The following THSD7B variants were observed in gnomAD, a reference collection of about 807,000 sequenced individuals.
The protein encoded by THSD7B is thrombospondin type-1 domain-containing protein 7B.
Under a neutral mutation model 213.6 loss-of-function variants are expected in THSD7B, and 138 were observed. The observed-to-expected ratio is 0.65, with a 90% CI of 0.56 to 0.74. The LOEUF is 0.74. Among genes scored for constraint, THSD7B ranks in the 30% least tolerant of loss-of-function variants. The pLI is 0.00. For synonymous variants in THSD7B, 742 were observed against 687.0 expected (o/e 1.08, Z -1.25); for missense variants, 1,931 against 1,991.5 (o/e 0.97, Z 0.58).
intron 15 of THSD7B, among the ~76,000 whole-genome samples, chr2:137,500,489 C>T (rs1449740609): frequency 1.3e-5 from 2 of 152,042 alleles, no homozygotes; most frequent in African/African-American, 4.8e-5. Flanking sequence ...GTTGACACAC[C>T]AACAAAGAAA....
rs200780753 is a variant in THSD7B, at chr2:137,642,499, C to T, written c.3811C>T (p.Arg1271Trp). The change falls in exon 21 of 28, where the codon CGG (arginine) becomes TGG (tryptophan). Residue 1271 changes from arginine to tryptophan, a missense_variant. By Grantham distance (101) the Arg-to-Trp change is moderately radical (BLOSUM62 -3). Transcript: ENST00000409968. ...QTCGHGGRMSRTRFIIMPTQG... is the reference protein window; with the variant it reads ...QTCGHGGRMSWTRFIIMPTQG... ...CCTTATCATTTTAGGTCGAATGAGC[C>T]GGACTCGATTTATCATTATGCCAAC... The T allele has an allele frequency of 8.1e-6, 13 of 1,613,496 alleles. No homozygotes were observed. The highest frequency in any genetic ancestry group is 1.7e-5 in the Admixed American group (1 of 59,974).
chr2:136,938,918 G>A (rs1558859828), intron 2 of THSD7B, among the ~76,000 whole-genome samples: 1 of 152,116 alleles, frequency 6.6e-6, no homozygotes, highest in East Asian at 1.9e-4. Flanking sequence ...GAATTAATGG[G>A]AAAAAAGGAA....
intron 2 of THSD7B, among the ~76,000 whole-genome samples, chr2:136,891,262 C>A (rs1470786660): frequency 6.6e-6 from 1 of 152,004 alleles, no homozygotes; most frequent in Non-Finnish European, 1.5e-5. Flanking sequence ...ACATAGTGAG[C>A]TTTCTTCTAA....
At chr2:137,416,391 G>A (rs1686800268) in intron 14 of THSD7B, among the ~76,000 whole-genome samples, 1 of 152,190 alleles carries the variant, frequency 6.6e-6, no homozygotes, top group African/African-American at 2.4e-5. Context: ...CATCCTCTGG[G>A]TTAAGATCAG....
At chr2:136,808,005 A>G (rs1008423614) in intron 1 of THSD7B, among the ~76,000 whole-genome samples, 5 of 152,208 alleles carry the variant, frequency 3.3e-5, no homozygotes, top group African/African-American at 9.6e-5. Context: ...TACACTATCT[A>G]TATTAAGCTA....
At chr2:137,397,993 C>T (rs1365355937) in intron 12 of THSD7B, among the ~76,000 whole-genome samples, 1 of 83,884 alleles carries the variant, frequency 1.2e-5, no homozygotes, top group Admixed American at 1.4e-4. Context: ...TCACGTAGTT[C>T]TCGAGCCTTG....
intron 15 of THSD7B, among the ~76,000 whole-genome samples, chr2:137,453,669 C>G (rs558112155): frequency 6.6e-6 from 1 of 152,060 alleles, no homozygotes; most frequent in African/African-American, 2.4e-5. Flanking sequence ...GTACAATACA[C>G]TATTATTAAC....
chr2:137,647,785 A>T (rs1683064217), intron 21 of THSD7B, among the ~76,000 whole-genome samples: 1 of 152,114 alleles, frequency 6.6e-6, no homozygotes, highest in African/African-American at 2.4e-5. Context: ...AGATGATGTG[A>T]GTAGCCAAGA....
At chr2:137,124,163 A>G (rs777235002) in intron 5 of THSD7B, among the ~76,000 whole-genome samples, 37 of 152,172 alleles carry the variant, frequency 2.4e-4, no homozygotes, top group Admixed American at 2.4e-3. Flanking sequence ...TGCATTTACA[A>G]TCTTCAGTTG....
intron 2 of THSD7B, among the ~76,000 whole-genome samples, chr2:136,961,680 T>C (rs776248352): frequency 6.6e-6 from 1 of 152,196 alleles, no homozygotes; most frequent in Non-Finnish European, 1.5e-5. Context: ...TTTAGCTTTA[T>C]GTTTGAAGAA....
intron 1 of THSD7B, among the ~76,000 whole-genome samples, chr2:136,881,104 A>G (rs1274390730): frequency 2.0e-5 from 3 of 151,662 alleles, no homozygotes; most frequent in Admixed American, 2.0e-4. Flanking sequence ...GCCCTTCCCA[A>G]CTCCTTCAAG....
chr2:137,079,518 A>G (rs62172276), intron 3 of THSD7B, among the ~76,000 whole-genome samples: 14,298 of 152,096 alleles, frequency 0.094, 750 homozygotes, highest in East Asian at 0.18. Context: ...AATTTGTCAG[A>G]TATTAGGATT....
intron 1 of THSD7B, among the ~76,000 whole-genome samples, chr2:136,770,502 G>T (rs975472785): frequency 1.3e-5 from 2 of 152,134 alleles, no homozygotes; most frequent in Non-Finnish European, 2.9e-5. Flanking sequence ...AATGAGTATT[G>T]CTCTGAGCCC....
chr2:137,667,908 T>G (rs1683481898), intron 27 of THSD7B, 47 bp downstream of exon 27: 1 of 1,448,236 alleles, frequency 6.9e-7, no homozygotes, highest in African/African-American at 1.4e-5. Flanking sequence ...TTTTATGGAT[T>G]TCATGTTATA....
intron 2 of THSD7B, among the ~76,000 whole-genome samples, chr2:136,930,481 G>A (rs1252481051): frequency 2.6e-5 from 4 of 152,334 alleles, no homozygotes; most frequent in Admixed American, 6.5e-5. Context: ...GCAGAGGTTT[G>A]ATCTCTATGA....
intron 2 of THSD7B, among the ~76,000 whole-genome samples, chr2:137,036,064 G>T (rs1469399743): frequency 1.3e-5 from 2 of 151,894 alleles, no homozygotes; most frequent in Non-Finnish European, 2.9e-5. Context: ...CAAATGACTA[G>T]GTGCTTTAAA....
intron 12 of THSD7B, among the ~76,000 whole-genome samples, chr2:137,312,229 T>C (rs193266455): frequency 1.3e-5 from 2 of 152,228 alleles, no homozygotes; most frequent in Admixed American, 1.3e-4. Context: ...CCTGGTTTAG[T>C]CTTGGGAAAG....
At chr2:136,776,597 G>T (rs544889673) in intron 1 of THSD7B, among the ~76,000 whole-genome samples, 1 of 152,138 alleles carries the variant, frequency 6.6e-6, no homozygotes, top group African/African-American at 2.4e-5. Flanking sequence ...GCAGAAAAAT[G>T]TACACAGGGA....
intron 12 of THSD7B, among the ~76,000 whole-genome samples, chr2:137,338,969 G>T (rs1684700614): frequency 6.6e-6 from 1 of 152,022 alleles, no homozygotes; most frequent in Admixed American, 6.6e-5. Context: ...TTGGCTACTT[G>T]TATGTACTCA....
Sources: gnomAD v4.1 joint callset for allele counts (sites outside exome capture counted in the v4.1 genomes callset) on GRCh38, gnomAD v4.1.1 for gene constraint, MANE v1.5 for transcripts, NCBI Gene and HGNC (gene_info 2026-07-23, HGNC 2026-07-21) for gene names.